COL5A2: variants seen among roughly 807,000 people sequenced by gnomAD.
The protein encoded by COL5A2 is collagen type V alpha 2 chain.
COL5A2 carries 23 observed loss-of-function variants against 208.2 expected under a neutral mutation model. That is an observed-to-expected ratio of 0.11 (90% CI 0.08 to 0.16). The LOEUF is 0.16. COL5A2 is among the 10% of genes least tolerant of loss of function. COL5A2 has a pLI of 1.00. For missense variants in COL5A2, 1,590 were observed against 1,956.4 expected (o/e 0.81, Z 3.53); for synonymous variants, 625 against 628.5 (o/e 0.99, Z 0.08).
At chr2:189,402,751 T>C in the COL5A2 span, among the ~76,000 whole-genome samples, 1 of 151,996 alleles carries the variant, frequency 6.6e-6, no homozygotes, top group Admixed American at 6.6e-5. Context: ...CATTGGTCTA[T>C]GTGTCCGTTC....
chr2:189,095,219 A>G (rs1686882012), intron 6 of COL5A2: 1 of 152,228 alleles, frequency 6.6e-6, no homozygotes, highest in Non-Finnish European at 1.5e-5. Flanking sequence ...AGCTCCCAGA[A>G]GGCTTGAGAC....
the COL5A2 span, among the ~76,000 whole-genome samples, chr2:189,245,627 G>A: frequency 6.6e-6 from 1 of 151,950 alleles, no homozygotes; most frequent in African/African-American, 2.4e-5. Flanking sequence ...TGGGACTACA[G>A]GCACCTGCCA....
chr2:189,403,050 T>C, the COL5A2 span, among the ~76,000 whole-genome samples: 147 of 152,326 alleles, frequency 9.7e-4, 2 homozygotes, highest in African/African-American at 3.2e-3. Context: ...GAGCATGGAA[T>C]GTTTTTCCAT....
At chr2:189,240,415 T>C in the COL5A2 span, among the ~76,000 whole-genome samples, 1 of 152,298 alleles carries the variant, frequency 6.6e-6, no homozygotes, top group Middle Eastern at 3.4e-3. Flanking sequence ...ATCCTTGTGA[T>C]CTAATCTAAC....
chr2:189,344,285 GC>G, the COL5A2 span, among the ~76,000 whole-genome samples: 2 of 152,100 alleles, frequency 1.3e-5, no homozygotes, highest in Non-Finnish European at 2.9e-5. Flanking sequence ...AGTTTCCATG[GC>G]AGTTTGAGTT....
chr2:189,161,444 T>C (rs1688361812), intron 1 of COL5A2, among the ~76,000 whole-genome samples: 1 of 152,176 alleles, frequency 6.6e-6, no homozygotes, highest in African/African-American at 2.4e-5. Context: ...TTTGTTTCCA[T>C]TTAATTACAG....
chr2:189,058,457 G>A lies in COL5A2; in HGVS notation c.2201C>T (p.Ala734Val). 1 of 1,613,960 alleles carries A rather than the reference G, an allele frequency of 6.2e-7. No individual in the cohort carries two copies. The highest frequency in any genetic ancestry group is 8.5e-7 in the Non-Finnish European group (1 of 1,179,916). The change falls in exon 33 of 54, where the codon GCT becomes GTT. Residue 734 changes from alanine (A) to valine (V), a missense_variant. Ala to Val is a moderately conservative substitution (Grantham distance 64, BLOSUM62 0). Transcript: ENST00000374866. ...ITGLPGEKGM[A>V]GGHGPDGPKG... is the part of the protein sequence containing the mutation. ...TGGGCCATCAGGACCATGTCCTCCA[G>A]CCATTCCCTTCTCACCAGGGAGTCC...
intron 1 of COL5A2, among the ~76,000 whole-genome samples, chr2:189,110,832 G>T (rs1411700709): frequency 6.6e-6 from 1 of 152,092 alleles, no homozygotes; most frequent in Non-Finnish European, 1.5e-5. Context: ...TATAAAATTT[G>T]AATGTTTGGT....
chr2:189,237,057 G>T, the COL5A2 span, among the ~76,000 whole-genome samples: 1 of 151,622 alleles, frequency 6.6e-6, no homozygotes, highest in South Asian at 2.1e-4. Context: ...TTTTCTTGAA[G>T]CCCGATAATG....
intron 1 of COL5A2, among the ~76,000 whole-genome samples, chr2:189,191,159 C>A (rs57903207): frequency 0.13 from 2,332 of 17,926 alleles, 57 homozygotes; most frequent in Non-Finnish European, 0.3. Context: ...AAACAAAAAA[C>A]AAACAAACAA....
At chr2:189,184,857 T>C (rs1310563903), upstream of COL5A2, among the ~76,000 whole-genome samples, 1 of 152,150 alleles carries the variant, frequency 6.6e-6, no homozygotes, top group African/African-American at 2.4e-5. Flanking sequence ...AAACTTAGAT[T>C]GTGTAAAAGT....
At chr2:189,359,263 C>T in the COL5A2 span, among the ~76,000 whole-genome samples, 3 of 151,920 alleles carry the variant, frequency 2.0e-5, no homozygotes, top group East Asian at 5.8e-4. Flanking sequence ...ATCTAATTTG[C>T]TGAGAGTTTT....
the COL5A2 span, among the ~76,000 whole-genome samples, chr2:189,368,418 G>A: frequency 6.6e-6 from 1 of 151,944 alleles, no homozygotes; most frequent in Non-Finnish European, 1.5e-5. Context: ...GATAGTAAAT[G>A]TTAAGAAAAA....
At chr2:189,190,434 C>CACTCT (rs1156786271) in intron 1 of COL5A2, among the ~76,000 whole-genome samples, 1 of 152,166 alleles carries the variant, frequency 6.6e-6, no homozygotes, top group Non-Finnish European at 1.5e-5. Flanking sequence ...CTAACACACT[C>CACTCT]AAGGGATACT....
chr2:189,043,142 A>T lies in COL5A2; in HGVS notation c.3471+9T>A. 1 of 1,604,112 alleles carries T rather than the reference A, an allele frequency of 6.2e-7. No homozygotes were observed. Among genetic ancestry groups the T allele is most frequent in the Non-Finnish European group, 8.5e-7 (1 of 1,171,750 alleles). On this transcript the variant is annotated intron_variant, in intron 48 of 53. Coordinates refer to ENST00000374866, the MANE Select transcript of COL5A2 (RefSeq NM_000393.5). ...ACAGGGCAGAATAATACTTAAAGGAATAACTTACAGGAGGGCCAGGAAGAC... is the reference window on the plus strand; with the variant it reads ...ACAGGGCAGAATAATACTTAAAGGATTAACTTACAGGAGGGCCAGGAAGAC...
At chr2:189,059,039 T>C in intron 31 of COL5A2, 146 bp from the exon 32 acceptor site, 1 of 653,900 alleles carries the variant, frequency 1.5e-6, no homozygotes, top group Non-Finnish European at 2.7e-6. Context: ...GAAAAGTACG[T>C]ATATTTTTAT....
At chr2:189,372,511 A>G in the COL5A2 span, among the ~76,000 whole-genome samples, 1 of 152,198 alleles carries the variant, frequency 6.6e-6, no homozygotes, top group South Asian at 2.1e-4. Flanking sequence ...TACTTTATAT[A>G]CATATAAAAC....
intron 1 of COL5A2, among the ~76,000 whole-genome samples, chr2:189,118,268 T>A (rs1687434876): frequency 6.6e-6 from 1 of 152,058 alleles, no homozygotes; most frequent in South Asian, 2.1e-4. Context: ...CTCATTTTTG[T>A]AATTGAAAAT....
chr2:189,091,607 T>G (rs564041814), intron 7 of COL5A2, among the ~76,000 whole-genome samples: 1 of 152,324 alleles, frequency 6.6e-6, no homozygotes, highest in South Asian at 2.1e-4. Flanking sequence ...ATAATGCTAT[T>G]ACACACTTTA....
Sources: gnomAD v4.1 joint callset for allele counts (sites outside exome capture counted in the v4.1 genomes callset) on GRCh38, gnomAD v4.1.1 for gene constraint, MANE v1.5 for transcripts, NCBI Gene and HGNC (gene_info 2026-07-23, HGNC 2026-07-21) for gene names.